CAAP1: variants seen among roughly 807,000 people sequenced by gnomAD.
CAAP1 encodes the protein caspase activity and apoptosis inhibitor 1.
CAAP1 carries 20 observed loss-of-function variants against 34.0 expected under a neutral mutation model. That is an observed-to-expected ratio of 0.59 (90% CI 0.41 to 0.86). CAAP1 has a LOEUF of 0.86. Ranked by LOEUF, CAAP1 falls within the 40% of genes least tolerant of loss-of-function variation. The probability of loss-of-function intolerance (pLI) is 0.00; values close to 1 mark genes in which losing one functional copy is unlikely to be tolerated. For synonymous variants in CAAP1, 213 were observed against 166.7 expected (o/e 1.28, Z -2.14); for missense variants, 538 against 450.5 (o/e 1.19, Z -1.76).
At chr9:26,888,706 C>T (rs1823816830) in intron 1 of CAAP1, among the ~76,000 whole-genome samples, 1 of 152,160 alleles carries the variant, frequency 6.6e-6, no homozygotes, top group Non-Finnish European at 1.5e-5. Flanking sequence ...TTGGCAGTTC[C>T]TCAAAAAGTT....
intron 3 of CAAP1, 62 bp downstream of exon 3, chr9:26,886,042 G>T: frequency 1.4e-6 from 1 of 719,772 alleles, no homozygotes; most frequent in Non-Finnish European, 2.2e-6. Flanking sequence ...AATACCTCAG[G>T]ATTTATGCTG....
intron 4 of CAAP1, among the ~76,000 whole-genome samples, chr9:26,871,625 G>A (rs2131323197): frequency 6.7e-6 from 1 of 150,008 alleles, no homozygotes; most frequent in African/African-American, 2.5e-5. Context: ...TAATAGCTCA[G>A]CAGAAAAAGT....
Position 26,875,029 on chromosome 9 carries a change from T to C in CAAP1, c.665+9781A>G, listed in dbSNP as rs959927807. ...CATACACAGGGTATGTTAAATACCA[T>C]ACACACACACGTATATGTACACCTC... On this transcript the variant is annotated intron_variant, in intron 4 of 5. Coordinates refer to ENST00000333916, the MANE Select transcript of CAAP1 (RefSeq NM_024828.4). 1.8e-4 allele frequency among the ~76,000 whole-genome samples: 27 copies of C among 152,282 alleles called. No homozygotes were observed. In the East Asian group the frequency reaches 4.4e-3, roughly 25 times the overall value.
chr9:26,850,626 A>G (rs919149669), intron 5 of CAAP1, among the ~76,000 whole-genome samples: 2 of 152,242 alleles, frequency 1.3e-5, no homozygotes, highest in Non-Finnish European at 2.9e-5. Flanking sequence ...AGCTCTTCCA[A>G]TAATTTGCCA....
intron 4 of CAAP1, among the ~76,000 whole-genome samples, chr9:26,874,132 G>A (rs189639945): frequency 3.4e-5 from 5 of 148,656 alleles, no homozygotes; most frequent in East Asian, 2.1e-4. Flanking sequence ...GCGTGAACCC[G>A]GGAGGTGGAA....
At chr9:26,869,090 T>C (rs976753238) in intron 4 of CAAP1, among the ~76,000 whole-genome samples, 2 of 152,132 alleles carry the variant, frequency 1.3e-5, no homozygotes, top group African/African-American at 2.4e-5. Flanking sequence ...GAAGCAAATG[T>C]GGAAAACTAT....
intron 5 of CAAP1, among the ~76,000 whole-genome samples, chr9:26,851,832 TC>T (rs1175146851): frequency 6.6e-6 from 1 of 152,052 alleles, no homozygotes; most frequent in African/African-American, 2.4e-5. Flanking sequence ...GAACTTACAC[TC>T]ATTCAAAAGG....
At chr9:26,884,112 A>G (rs1823666892) in intron 4 of CAAP1, among the ~76,000 whole-genome samples, 1 of 152,168 alleles carries the variant, frequency 6.6e-6, no homozygotes, top group Non-Finnish European at 1.5e-5. Flanking sequence ...AATCTCTTAT[A>G]TTCTTCAGGA....
chr9:26,861,748 A>T (rs902939840), intron 4 of CAAP1, among the ~76,000 whole-genome samples: 20 of 152,178 alleles, frequency 1.3e-4, no homozygotes, highest in African/African-American at 3.6e-4. Flanking sequence ...AAGGTCAAGA[A>T]ATTATAAATG....
At chr9:26,852,281 C>T (rs748021445) in intron 5 of CAAP1, among the ~76,000 whole-genome samples, 2 of 152,028 alleles carry the variant, frequency 1.3e-5, no homozygotes, top group African/African-American at 2.4e-5. Flanking sequence ...TGGTGAAACG[C>T]CGTCTCTATT....
chr9:26,892,345 C>A (rs1199610843), intron 1 of CAAP1, 68 bp downstream of exon 1: 8 of 1,578,836 alleles, frequency 5.1e-6, no homozygotes, highest in Non-Finnish European at 6.0e-6. Flanking sequence ...CGCCCCATCC[C>A]TCTGGAAGCC....
Position 26,887,397 on chromosome 9 carries a change from T to C in CAAP1, c.420A>G (p.Ile140Met), listed in dbSNP as rs1419053931. 6.2e-7 allele frequency: 1 copy of C among 1,612,998 alleles called. No homozygotes were observed. The change falls in exon 2 of 6, where the codon ATA becomes ATG. Residue 140 changes from isoleucine (I) to methionine (M), a missense_variant. Around this residue, in one of 3 missense-constraint regions of CAAP1, gnomAD observed 514 missense variants for 408.4 expected, o/e 1.26. Transcript: ENST00000333916. ...GCTGAAGCATTTCTTTTTTGTCTGA[T>C]ATATAGAAACTAACTGGTTTCAATG... ...TVSLKPVSFY[I>M]SDKKEMLQQC...
intron 4 of CAAP1, among the ~76,000 whole-genome samples, chr9:26,875,797 T>C (rs1186871504): frequency 6.6e-6 from 1 of 152,226 alleles, no homozygotes; most frequent in African/African-American, 2.4e-5. Flanking sequence ...TGATTTTTTT[T>C]CAAGCAACTA....
chr9:26,858,343 G>A (rs1245781919), intron 5 of CAAP1, among the ~76,000 whole-genome samples: 2 of 152,094 alleles, frequency 1.3e-5, no homozygotes, highest in Admixed American at 6.5e-5. Context: ...ATATACCTCA[G>A]CTTGTTTGGT....
intron 5 of CAAP1, among the ~76,000 whole-genome samples, chr9:26,845,534 C>A (rs1376948158): frequency 1.3e-5 from 2 of 152,126 alleles, no homozygotes; most frequent in Non-Finnish European, 2.9e-5. Flanking sequence ...TGCCACCACA[C>A]CCGGCTAATT....
chr9:26,885,300 C>T (rs1043120832), intron 3 of CAAP1, among the ~76,000 whole-genome samples: 6 of 152,060 alleles, frequency 3.9e-5, no homozygotes, highest in Non-Finnish European at 5.9e-5. Context: ...TGGTCTCGAA[C>T]TCCTGACCTT....
At chr9:26,888,652 T>C (rs1029194813) in intron 1 of CAAP1, among the ~76,000 whole-genome samples, 3 of 152,254 alleles carry the variant, frequency 2.0e-5, no homozygotes, top group African/African-American at 7.2e-5. Context: ...CCTCATACAC[T>C]GTTAGCAGGA....
At chr9:26,844,615 A>C (rs1316023004) in intron 5 of CAAP1, among the ~76,000 whole-genome samples, 1 of 152,244 alleles carries the variant, frequency 6.6e-6, no homozygotes, top group Non-Finnish European at 1.5e-5. Flanking sequence ...TAGTTGATTC[A>C]GAGGCTTGAT....
rs900686515 is a variant in CAAP1 at position 26,841,693 on chromosome 9, T to C, written c.*608A>G. 2.0e-5 allele frequency: 3 copies of C among 152,622 alleles called. No individual in the cohort carries two copies. Among genetic ancestry groups the C allele is most frequent in the African/African-American group, 7.2e-5 (3 of 41,464 alleles). 9.5% of individuals were successfully genotyped at this position (152,622 alleles called of 1,614,324 possible). On this transcript the variant is annotated 3_prime_UTR_variant, in exon 6 of 6. Coordinates refer to ENST00000333916, the MANE Select transcript of CAAP1 (RefSeq NM_024828.4). ...ACCTGTTAGAATGGCGTGTCTGCTA[T>C]AATTAAACATGGGCAATTAGTTCTA...
Sources: allele counts gnomAD v4.1 joint callset (sites outside exome capture counted in the v4.1 genomes callset), GRCh38; gene constraint gnomAD v4.1.1; regional missense constraint gnomAD v4.1.1; transcripts MANE v1.5; gene names NCBI Gene and HGNC (gene_info 2026-07-23, HGNC 2026-07-21).